The following SASH1 variants were observed in gnomAD, a reference collection of about 807,000 sequenced individuals.
The protein encoded by SASH1 is SAM and SH3 domain-containing protein 1.
A neutral mutation model predicts 125.2 loss-of-function variants in SASH1; 44 were observed. That is an observed-to-expected ratio of 0.35 (90% CI 0.28 to 0.45). The LOEUF (loss-of-function observed/expected upper bound fraction) is 0.45. Ranked by LOEUF, SASH1 falls within the 20% of genes least tolerant of loss-of-function variation. SASH1 has a pLI of 1.00. For missense variants in SASH1, 1,426 were observed against 1,614.5 expected, an observed-to-expected ratio of 0.88 and a Z score of 2.00; for synonymous variants, 639 against 649.1, an observed-to-expected ratio of 0.98 and a Z score of 0.24.
Position 148,390,157 on chromosome 6 carries a change from T to C in SASH1, c.180T>C (p.Asp60=), listed in dbSNP as rs751393767. 9.9e-6 allele frequency: 16 copies of C among 1,613,592 alleles called. No homozygotes were observed. In the South Asian group the frequency reaches 1.6e-4, roughly 17 times the overall value. Residue 60 remains aspartate, a synonymous_variant, in exon 2 of 20, where the codon GAT becomes GAC. Transcript: ENST00000367467. ...GILDGSLGNI[D]DLAQQYADYY... ...AGGACGGTTCACTGGGAAACATCGA[T>C]GACCTGGCGCAGCAGTATGCAGATT... is the stretch of plus-strand genomic sequence containing the variant.
At chr6:148,414,110 G>A (rs546855240) in intron 2 of SASH1, among the ~76,000 whole-genome samples, 4 of 151,908 alleles carry the variant, frequency 2.6e-5, no homozygotes, top group Non-Finnish European at 4.4e-5. Flanking sequence ...ACTTTTGTCA[G>A]TACGATATTT....
At chr6:148,257,865 G>A in the SASH1 span, among the ~76,000 whole-genome samples, 24 of 152,220 alleles carry the variant, frequency 1.6e-4, no homozygotes, top group African/African-American at 5.5e-4. Flanking sequence ...TCTTGACCCT[G>A]TGATCCGCCC....
intron 2 of SASH1, among the ~76,000 whole-genome samples, chr6:148,422,453 A>G (rs927277720): frequency 2.6e-5 from 4 of 152,232 alleles, no homozygotes; most frequent in Non-Finnish European, 5.9e-5. Flanking sequence ...ATGAATGAAC[A>G]TGACCCTGAC....
intron 17 of SASH1, among the ~76,000 whole-genome samples, chr6:148,541,123 T>TG (rs1400887260): frequency 6.6e-6 from 1 of 151,990 alleles, no homozygotes; most frequent in African/African-American, 2.4e-5. Context: ...GATGGCTTTG[T>TG]GGTTTCCTGT....
intron 16 of SASH1, among the ~76,000 whole-genome samples, chr6:148,538,112 G>C (rs1258244974): frequency 6.6e-6 from 1 of 152,086 alleles, no homozygotes; most frequent in Non-Finnish European, 1.5e-5. Context: ...AGCGATTCTA[G>C]CCCCCTTCCT....
At chr6:148,429,527 G>A (rs1775977248) in intron 2 of SASH1, among the ~76,000 whole-genome samples, 1 of 152,048 alleles carries the variant, frequency 6.6e-6, no homozygotes, top group Admixed American at 6.5e-5. Flanking sequence ...GAGGTGGGAG[G>A]TTTGCTTGAG....
the SASH1 span, among the ~76,000 whole-genome samples, chr6:148,200,054 G>A: frequency 6.6e-6 from 1 of 152,142 alleles, no homozygotes; most frequent in African/African-American, 2.4e-5. Context: ...TGATTGCACT[G>A]GCTGCTTACA....
In SASH1 at chr6:148,525,330, T is replaced by G. The variant is rs763948167; in HGVS notation, c.1249T>G (p.Ser417Ala). 12 of 1,614,134 alleles carry G rather than the reference T, an allele frequency of 7.4e-6. No homozygotes were observed. The East Asian group carries it at 2.7e-4, about 36-fold the overall frequency. Residue 417 changes from serine (S) to alanine (A), a missense_variant, in exon 11 of 20, where the codon TCT becomes GCT. Physicochemically the swap from Ser to Ala is moderately conservative, Grantham distance 99. This residue lies in a region of SASH1 where 567 missense variants were observed against 575.6 expected (regional missense o/e 0.99). Transcript: ENST00000367467. ...SFGGFDLTNR[S>A]LHVGSNNSDP... ...TGGAGGATTTGACTTGACGAATCGCTCTCTGCACGTTGGCAGTAATAATTC... is the reference window on the plus strand; with the variant it reads ...TGGAGGATTTGACTTGACGAATCGCGCTCTGCACGTTGGCAGTAATAATTC...
chr6:148,544,127 C>T lies in SASH1; in HGVS notation c.2657C>T (p.Ser886Phe), dbSNP rs765224476. 8.1e-6 allele frequency: 13 copies of T among 1,614,122 alleles called. No homozygotes were observed. The East Asian group carries it at 2.9e-4, about 36-fold the overall frequency. The change falls in exon 18 of 20, where the codon TCT becomes TTT. Residue 886 changes from serine to phenylalanine, a missense_variant. By Grantham distance (155) the Ser-to-Phe change is radical (BLOSUM62 -2). Around this residue, in one of 3 missense-constraint regions of SASH1, gnomAD observed 634 missense variants for 694.4 expected, o/e 0.91. Transcript: ENST00000367467. This position sits in a 1 kb window ranked among gnomAD's most constrained non-coding sequence, Gnocchi z 6.4. ...STKAQPLEQD[S>F]AVDNALLLTQ... ...AAGGCCCAGCCCCTGGAGCAAGACTCTGCTGTCGACAATGCATTGCTACTG... is the reference window on the plus strand; with the variant it reads ...AAGGCCCAGCCCCTGGAGCAAGACTTTGCTGTCGACAATGCATTGCTACTG...
intron 1 of SASH1, among the ~76,000 whole-genome samples, chr6:148,368,766 G>A (rs1389666531): frequency 3.1e-3 from 38 of 12,110 alleles, no homozygotes; most frequent in Middle Eastern, 0.056. Context: ...GCGCGCACGC[G>A]CGCGCACACA....
At chr6:148,460,789 G>C (rs891341363) in intron 4 of SASH1, among the ~76,000 whole-genome samples, 2 of 152,108 alleles carry the variant, frequency 1.3e-5, no homozygotes, top group Non-Finnish European at 2.9e-5. Flanking sequence ...GTTGTTTTTT[G>C]TAATTCTAAA....
At chr6:148,357,297 C>T (rs1400768960) in intron 1 of SASH1, among the ~76,000 whole-genome samples, 1 of 152,162 alleles carries the variant, frequency 6.6e-6, no homozygotes, top group East Asian at 1.9e-4. Flanking sequence ...TATTCAATAA[C>T]CATAATTCAA....
intron 18 of SASH1, among the ~76,000 whole-genome samples, chr6:148,545,338 C>T (rs1256166362): frequency 2.0e-5 from 3 of 152,140 alleles, no homozygotes; most frequent in Non-Finnish European, 2.9e-5. Context: ...CCTGAGAGTC[C>T]TTTATTATAA....
intron 2 of SASH1, among the ~76,000 whole-genome samples, chr6:148,398,403 A>G (rs868621306): frequency 5.3e-5 from 8 of 152,170 alleles, no homozygotes; most frequent in Non-Finnish European, 1.0e-4. Context: ...TTTGCTACAG[A>G]CAGCAAAGCA....
intron 1 of SASH1, among the ~76,000 whole-genome samples, chr6:148,350,840 A>G (rs969409843): frequency 2.0e-5 from 3 of 152,246 alleles, no homozygotes; most frequent in African/African-American, 7.2e-5. Context: ...GATAAAATGT[A>G]TTTTTTGAGT....
At chr6:148,539,801 AAAG>A (rs1461775921) in intron 16 of SASH1, among the ~76,000 whole-genome samples, 5 of 152,114 alleles carry the variant, frequency 3.3e-5, no homozygotes, top group African/African-American at 7.2e-5. Flanking sequence ...AACAAAAACA[AAAG>A]AAGATTTGCC....
At chr6:148,215,780 T>C in the SASH1 span, among the ~76,000 whole-genome samples, 1 of 152,172 alleles carries the variant, frequency 6.6e-6, no homozygotes, top group Non-Finnish European at 1.5e-5. Flanking sequence ...CTGGAACTTT[T>C]CCACAGCACT....
chr6:148,514,926 C>G (rs897905638), intron 9 of SASH1, among the ~76,000 whole-genome samples: 1 of 152,166 alleles, frequency 6.6e-6, no homozygotes, highest in African/African-American at 2.4e-5. Flanking sequence ...ATTTGTTCTT[C>G]CTGTAGAGAG....
chr6:148,298,703 AAGGAAGGAAGAAGGAAGGG>A (rs1370448346), intron 1 of SASH1, among the ~76,000 whole-genome samples: 1,849 of 89,420 alleles, frequency 0.021, 76 homozygotes, highest in African/African-American at 0.072. Context: ...GGAAGGAAGG[AAGGAAGGAAGAAGGAAGGG>A]AAAGGAGGGA....
Sources: gnomAD v4.1 joint callset for allele counts (sites outside exome capture counted in the v4.1 genomes callset) on GRCh38, gnomAD v4.1.1 for gene constraint, gnomAD v4.1.1 regional missense constraint, Gnocchi (gnomAD v3.1) non-coding constraint, MANE v1.5 for transcripts, NCBI Gene and HGNC (gene_info 2026-07-23, HGNC 2026-07-21) for gene names.